Variants in SUSD4 observed in about 807,000 individuals in gnomAD.
The protein encoded by SUSD4 is sushi domain-containing protein 4.
Under a neutral mutation model 50.5 loss-of-function variants are expected in SUSD4, and 41 were observed. The observed-to-expected ratio is 0.81, with a 90% confidence interval of 0.63 to 1.05. The LOEUF (loss-of-function observed/expected upper bound fraction) is 1.05. SUSD4 is among the 50% of genes least tolerant of loss of function. The probability of loss-of-function intolerance (pLI) is 0.00; values close to 1 mark genes in which losing one functional copy is unlikely to be tolerated. For missense variants in SUSD4, 580 were observed against 634.7 expected, an observed-to-expected ratio of 0.91 and a Z score of 0.93; for synonymous variants, 257 against 257.3, an observed-to-expected ratio of 1.00 and a Z score of 0.01.
At chr1:223,286,180 A>G (rs1206723852) in intron 3 of SUSD4, among the ~76,000 whole-genome samples, 1 of 152,012 alleles carries the variant, frequency 6.6e-6, no homozygotes, top group Admixed American at 6.5e-5. Flanking sequence ...CAGTGGCGCA[A>G]TCTCGGCTCA....
At position 223,253,623 on chromosome 1, in the gene SUSD4, C is replaced by T. The variant is rs141575761; in HGVS notation, c.724+11007G>A. On this transcript the variant is annotated intron_variant, in intron 5 of 8. Transcript: ENST00000366878. ...CCGAATATTGCCGAGTGACTCCCAGCCTGAAAAAGGCCCCTGAAATGACTG... is the reference window on the plus strand; with the variant it reads ...CCGAATATTGCCGAGTGACTCCCAGTCTGAAAAAGGCCCCTGAAATGACTG... 5.8e-4 allele frequency among the ~76,000 whole-genome samples: 88 copies of T among 152,184 alleles called. 1 individual carries two copies. In the East Asian group the frequency reaches 8.9e-3, roughly 15 times the overall value.
intron 3 of SUSD4, among the ~76,000 whole-genome samples, chr1:223,282,423 C>T (rs576841477): frequency 2.0e-5 from 3 of 152,154 alleles, no homozygotes; most frequent in Non-Finnish European, 2.9e-5. Flanking sequence ...GCAAAAATCA[C>T]AAGCATTCTT....
intron 2 of SUSD4, among the ~76,000 whole-genome samples, chr1:223,349,079 A>G (rs997998338): frequency 6.6e-6 from 1 of 152,100 alleles, no homozygotes; most frequent in African/African-American, 2.4e-5. Context: ...CTCCAACAAA[A>G]AGGCCATCAA....
In SUSD4 at chr1:223,229,066, A is replaced by C; in HGVS notation, c.916+131T>G. ...AGCAGCCCCATCGACCCGCAATGAT[A>C]TGTTTCGATATCCTGTTCCTGACAC... On this transcript the variant is annotated intron_variant, in intron 6 of 8. Transcript: ENST00000366878. The surrounding 1 kb of genome is among the most constrained non-coding windows in gnomAD (Gnocchi z 4.7). 1.1e-6 allele frequency: 1 copy of C among 919,808 alleles called. No homozygotes were observed. Among genetic ancestry groups the C allele is most frequent in the Non-Finnish European group, 1.6e-6 (1 of 614,592 alleles). 57.0% of individuals were successfully genotyped at this position (919,808 alleles called of 1,614,324 possible). A position where few individuals can be genotyped will look rare whatever the true frequency, so the allele number is the denominator to read the frequency against.
chr1:223,314,185 G>T (rs1666042313), intron 2 of SUSD4, among the ~76,000 whole-genome samples: 1 of 152,132 alleles, frequency 6.6e-6, no homozygotes, highest in Non-Finnish European at 1.5e-5. Context: ...CCATCACGTA[G>T]TTCTGTGACT....
chr1:223,286,572 C>T (rs1043122618), intron 3 of SUSD4, among the ~76,000 whole-genome samples: 1 of 152,190 alleles, frequency 6.6e-6, no homozygotes, highest in Non-Finnish European at 1.5e-5. Flanking sequence ...AAATCTTAAC[C>T]AGACCACCTG....
At chr1:223,329,779 T>G (rs749297240) in intron 2 of SUSD4, among the ~76,000 whole-genome samples, 1 of 152,004 alleles carries the variant, frequency 6.6e-6, no homozygotes, top group Non-Finnish European at 1.5e-5. Flanking sequence ...GAAGGATGGA[T>G]GGATGAACAG....
At position 223,233,888 on chromosome 1, in the gene SUSD4, T is replaced by A. The variant is rs545635651; in HGVS notation, c.725-4500A>T. 1.1e-4 allele frequency among the ~76,000 whole-genome samples: 16 copies of A among 152,290 alleles called. No homozygotes were observed. The East Asian group carries it at 2.9e-3, about 28-fold the overall frequency. On this transcript the variant is annotated intron_variant, in intron 5 of 8. Coordinates refer to ENST00000366878, the MANE Select transcript of SUSD4 (RefSeq NM_017982.4). ...TTAGCAACAGGGCTTTTGTGAGGCT[T>A]GGGAGTCTGGACATTCAGTGGTTAT...
intron 5 of SUSD4, among the ~76,000 whole-genome samples, chr1:223,259,910 T>C (rs1303013605): frequency 2.0e-5 from 3 of 152,156 alleles, no homozygotes; most frequent in Non-Finnish European, 4.4e-5. Context: ...TCTATACCGA[T>C]GAGCTCCACC....
chr1:223,249,902 G>A (rs931753186), intron 5 of SUSD4, among the ~76,000 whole-genome samples: 2 of 152,180 alleles, frequency 1.3e-5, no homozygotes, highest in Admixed American at 1.3e-4. Flanking sequence ...AAGTCAGCTA[G>A]GAGAACAGAA....
At chr1:223,259,641 C>A (rs1046037480) in intron 5 of SUSD4, among the ~76,000 whole-genome samples, 9 of 152,064 alleles carry the variant, frequency 5.9e-5, no homozygotes, top group African/African-American at 2.2e-4. Flanking sequence ...TGGTCCTATC[C>A]CCTGTAGAGA....
At chr1:223,236,892 T>C (rs1660259903) in intron 5 of SUSD4, among the ~76,000 whole-genome samples, 1 of 152,118 alleles carries the variant, frequency 6.6e-6, no homozygotes, top group South Asian at 2.1e-4. Context: ...AAAAATAACT[T>C]GCTGGAATTT....
At chr1:223,241,969 T>C (rs1441408940) in intron 5 of SUSD4, among the ~76,000 whole-genome samples, 1 of 152,150 alleles carries the variant, frequency 6.6e-6, no homozygotes, top group Non-Finnish European at 1.5e-5. Flanking sequence ...TGAGACAGGG[T>C]CTTGCTCTGT....
chr1:223,231,490 C>T lies in SUSD4; in HGVS notation c.725-2102G>A, dbSNP rs1373601880. On this transcript the variant is annotated intron_variant, in intron 5 of 8. Transcript: ENST00000366878. This position sits in a 1 kb window ranked among gnomAD's most constrained non-coding sequence, Gnocchi z 4.2. ...TTTCTGCTGCTCTGCCTCAGGGTCT[C>T]TCCTGGGCTGGCAAATGCAGTCACA... Among the ~76,000 whole-genome samples, 1 of 152,186 alleles carries T rather than the reference C, an allele frequency of 6.6e-6. No homozygotes were observed. The highest frequency in any genetic ancestry group is 2.4e-5 in the African/African-American group (1 of 41,452).
chr1:223,222,152 C>A lies in SUSD4; in HGVS notation c.*40G>T, dbSNP rs1659169612. On this transcript the variant is annotated 3_prime_UTR_variant, in exon 9 of 9. Coordinates refer to ENST00000366878, the MANE Select transcript of SUSD4 (RefSeq NM_017982.4). ...CTCACTCCAAGATACAAGGTCCTTT[C>A]CCCGAAGGAGCAGGAGAGTCATCTG... 1 of 1,606,408 alleles carries A rather than the reference C, an allele frequency of 6.2e-7. No homozygotes were observed.
At chr1:223,264,000 C>T in intron 5 of SUSD4, 1 of 985,452 alleles carries the variant, frequency 1.0e-6, no homozygotes, top group Non-Finnish European at 1.2e-6. Context: ...AGAGCTGAAC[C>T]AGCATGTCCA....
chr1:223,306,668 T>G (rs907380803), intron 2 of SUSD4, among the ~76,000 whole-genome samples: 8 of 152,128 alleles, frequency 5.3e-5, no homozygotes, highest in Non-Finnish European at 1.0e-4. Context: ...ATTTTTTATG[T>G]TTTTGGTAGA....
intron 2 of SUSD4, among the ~76,000 whole-genome samples, chr1:223,325,737 T>C (rs1666837274): frequency 6.6e-6 from 1 of 152,158 alleles, no homozygotes; most frequent in South Asian, 2.1e-4. Context: ...ATGACCAAGC[T>C]GAGAATCAAA....
chr1:223,258,785 C>T (rs1446677189), intron 5 of SUSD4, among the ~76,000 whole-genome samples: 1 of 152,122 alleles, frequency 6.6e-6, no homozygotes, highest in African/African-American at 2.4e-5. Flanking sequence ...AGACCAGACT[C>T]CCTGGGGCCT....
Sources: allele counts gnomAD v4.1 joint callset (sites outside exome capture counted in the v4.1 genomes callset), GRCh38; gene constraint gnomAD v4.1.1; non-coding constraint Gnocchi (gnomAD v3.1); transcripts MANE v1.5; gene names NCBI Gene and HGNC (gene_info 2026-07-23, HGNC 2026-07-21).